ATP9B: variants seen among roughly 807,000 people sequenced by gnomAD.
ATP9B encodes the protein probable phospholipid-transporting ATPase IIB.
A neutral mutation model predicts 146.1 loss-of-function variants in ATP9B; 110 were observed. That is an observed-to-expected ratio of 0.75 (90% CI 0.65 to 0.88). ATP9B has a LOEUF of 0.88. ATP9B is among the 40% of genes least tolerant of loss of function. The pLI is 0.00. For synonymous variants in ATP9B, 604 were observed against 569.7 expected (o/e 1.06, Z -0.86); for missense variants, 1,499 against 1,496.4 (o/e 1.00, Z -0.03).
chr18:79,255,776 A>G (rs975309748), intron 12 of ATP9B, among the ~76,000 whole-genome samples: 1 of 152,156 alleles, frequency 6.6e-6, no homozygotes, highest in Non-Finnish European at 1.5e-5. Context: ...GCACATATGC[A>G]TGTTTGTGCC....
chr18:79,250,042 T>C (rs1230624430), intron 11 of ATP9B, among the ~76,000 whole-genome samples: 1 of 152,254 alleles, frequency 6.6e-6, no homozygotes, highest in African/African-American at 2.4e-5. Flanking sequence ...CAACATATAC[T>C]TGGCTTCAAA....
chr18:79,074,458 G>A lies in ATP9B; in HGVS notation c.119+4929G>A, dbSNP rs146225261. Among the ~76,000 whole-genome samples, 588 of 152,330 alleles carry A rather than the reference G, an allele frequency of 3.9e-3. 3 individuals are homozygous for A. Among genetic ancestry groups the A allele is most frequent in the South Asian group, 0.025 (119 of 4,832 alleles). On this transcript the variant is annotated intron_variant, in intron 1 of 29. Coordinates refer to ENST00000426216, the MANE Select transcript of ATP9B (RefSeq NM_198531.5). ...GTCTTGGAGCAAGGTCTTAGGTTAT[G>A]GATAAAAAGGTTTTCTGGACTGGGC...
intron 13 of ATP9B, 134 bp downstream of exon 13, chr18:79,277,330 T>C (rs367689624): frequency 6.7e-6 from 8 of 1,198,422 alleles, no homozygotes; most frequent in African/African-American, 4.6e-5. Flanking sequence ...AATCCATATT[T>C]AGAATTTTTC....
At chr18:79,161,848 A>C (rs1269976600) in intron 7 of ATP9B, among the ~76,000 whole-genome samples, 1 of 152,226 alleles carries the variant, frequency 6.6e-6, no homozygotes, top group African/African-American at 2.4e-5. Context: ...TCCGTCTCAA[A>C]AAAAAAGAAG....
In ATP9B at chr18:79,290,477, T is replaced by A. The variant is rs199814049; in HGVS notation, c.1412-13127T>A. Reference sequence around the variant, plus strand: ...TTTTAAGCCCGTCAGAAAAGTGCAGTATTCGGGTGGGAGTGACCCGATTTT... The same window carrying A: ...TTTTAAGCCCGTCAGAAAAGTGCAGAATTCGGGTGGGAGTGACCCGATTTT... On this transcript the variant is annotated intron_variant, in intron 13 of 29. Transcript: ENST00000426216. Among the ~76,000 whole-genome samples, 1,675 of 152,328 alleles carry A rather than the reference T, an allele frequency of 0.011. 77 individuals are homozygous for A. The East Asian group carries it at 0.11, about 10-fold the overall frequency.
intron 7 of ATP9B, among the ~76,000 whole-genome samples, chr18:79,174,768 A>G (rs549320832): frequency 1.3e-5 from 2 of 152,026 alleles, no homozygotes; most frequent in Non-Finnish European, 2.9e-5. Context: ...GTTTTCTTTT[A>G]GCTTTTCATT....
At chr18:79,274,073 T>C (rs1171297495) in intron 12 of ATP9B, among the ~76,000 whole-genome samples, 2 of 152,226 alleles carry the variant, frequency 1.3e-5, no homozygotes, top group Non-Finnish European at 2.9e-5. Context: ...TCACAGTTGC[T>C]AAATTAGCAA....
intron 1 of ATP9B, among the ~76,000 whole-genome samples, chr18:79,072,696 G>C (rs982398920): frequency 7.1e-6 from 1 of 141,632 alleles, no homozygotes; most frequent in East Asian, 2.1e-4. Context: ...CTGCCGGGTG[G>C]GGGCGCCCCC....
At chr18:79,219,457 A>G (rs2095657979) in intron 11 of ATP9B, among the ~76,000 whole-genome samples, 1 of 152,158 alleles carries the variant, frequency 6.6e-6, no homozygotes, top group African/African-American at 2.4e-5. Flanking sequence ...GTAAAAGAAT[A>G]GGGGGTCTTA....
chr18:79,348,024 C>G, intron 24 of ATP9B, 99 bp downstream of exon 24: 3 of 1,600,224 alleles, frequency 1.9e-6, no homozygotes, highest in Non-Finnish European at 2.6e-6. Context: ...TGAGTGCTGC[C>G]GGAAGTACCT....
intron 11 of ATP9B, among the ~76,000 whole-genome samples, chr18:79,247,007 G>T (rs1455537799): frequency 2.6e-5 from 4 of 152,210 alleles, no homozygotes; most frequent in African/African-American, 4.8e-5. Context: ...TAAATTTCCA[G>T]ATAGTTTCTG....
At chr18:79,177,592 T>C (rs2095193373) in intron 8 of ATP9B, among the ~76,000 whole-genome samples, 3 of 152,210 alleles carry the variant, frequency 2.0e-5, no homozygotes, top group East Asian at 3.8e-4. Context: ...TTTGCGACTT[T>C]GTATTGATAT....
chr18:79,331,734 T>A (rs556709109), intron 17 of ATP9B, among the ~76,000 whole-genome samples: 1 of 152,174 alleles, frequency 6.6e-6, no homozygotes, highest in African/African-American at 2.4e-5. Flanking sequence ...AACTTTTCAA[T>A]GATCACATAA....
intron 15 of ATP9B, among the ~76,000 whole-genome samples, chr18:79,317,482 G>A (rs745752907): frequency 3.3e-5 from 5 of 152,026 alleles, no homozygotes; most frequent in Non-Finnish European, 5.9e-5. Context: ...TTAAACATTG[G>A]CAAAAGATTT....
intron 9 of ATP9B, among the ~76,000 whole-genome samples, chr18:79,201,880 A>AT (rs879498977): frequency 1.3e-5 from 2 of 151,244 alleles, no homozygotes; most frequent in Admixed American, 6.6e-5. Flanking sequence ...ATTTAAAAAA[A>AT]TTTTTTTTTT....
chr18:79,226,202 A>G (rs533836651), intron 11 of ATP9B, among the ~76,000 whole-genome samples: 1 of 152,170 alleles, frequency 6.6e-6, no homozygotes, highest in African/African-American at 2.4e-5. Context: ...TATGAAATGT[A>G]GGTTTGATAT....
chr18:79,110,288 A>G, intron 2 of ATP9B, 67 bp from the exon 3 acceptor site: 1 of 1,414,958 alleles, frequency 7.1e-7, no homozygotes, highest in Non-Finnish European at 9.4e-7. Context: ...CTAAATATGT[A>G]CAATTAGTTT....
intron 14 of ATP9B, among the ~76,000 whole-genome samples, chr18:79,305,655 GA>G (rs1299942131): frequency 2.6e-5 from 4 of 152,134 alleles, no homozygotes; most frequent in South Asian, 2.1e-4. Context: ...AAGTTATTAG[GA>G]AAAAATTAAA....
intron 26 of ATP9B, among the ~76,000 whole-genome samples, chr18:79,366,500 G>C (rs1014152844): frequency 2.8e-4 from 43 of 152,348 alleles, no homozygotes; most frequent in African/African-American, 9.4e-4. Flanking sequence ...GCCCATGCAT[G>C]GTAGCTAATG....
Sources: allele counts gnomAD v4.1 joint callset (sites outside exome capture counted in the v4.1 genomes callset), GRCh38; gene constraint gnomAD v4.1.1; transcripts MANE v1.5; gene names NCBI Gene and HGNC (gene_info 2026-07-23, HGNC 2026-07-21).